The following SYCE1L variants were observed in gnomAD, a reference collection of about 807,000 sequenced individuals.
The protein encoded by SYCE1L is synaptonemal complex central element protein 1-like.
In SYCE1L, 51 loss-of-function variants were observed where a neutral mutation model predicts 39.6. That is an observed-to-expected ratio of 1.29 (90% confidence interval 1.03 to 1.63). The LOEUF (loss-of-function observed/expected upper bound fraction) is 1.63. Among genes scored for constraint, SYCE1L ranks in the 40% most tolerant of loss-of-function variants. The pLI is 0.00. For missense variants in SYCE1L, 426 were observed against 304.9 expected, an observed-to-expected ratio of 1.40 and a Z score of -2.96; for synonymous variants, 147 against 122.4, an observed-to-expected ratio of 1.20 and a Z score of -1.33.
In SYCE1L at chr16:77,213,009, G is replaced by T; in HGVS notation, c.*78G>T. The T allele has an allele frequency of 7.3e-7, 1 of 1,374,580 alleles. No homozygotes were observed. The highest frequency in any genetic ancestry group is 1.5e-5 in the South Asian group (1 of 67,394). The allele number at this position is 1,374,580 out of a possible 1,614,324, so 85.1% of individuals were successfully genotyped here. A position where few individuals can be genotyped will look rare whatever the true frequency, so the allele number is the denominator to read the frequency against. ...AAGGCGATGATTTCCGACCATGCTCGCGTTCTCCGCGGAGTCTGTGCTACA... is the reference window on the plus strand; with the variant it reads ...AAGGCGATGATTTCCGACCATGCTCTCGTTCTCCGCGGAGTCTGTGCTACA... On this transcript the variant is annotated 3_prime_UTR_variant, in exon 11 of 11. Transcript: ENST00000378644.
At chr16:77,210,963 C>G (rs781726544) in intron 6 of SYCE1L, among the ~76,000 whole-genome samples, 12 of 152,190 alleles carry the variant, frequency 7.9e-5, no homozygotes, top group African/African-American at 1.2e-4. Context: ...GAGTCTCAAA[C>G]AGAGGAATCT....
chr16:77,205,939 G>A lies in SYCE1L; in HGVS notation c.62-502G>A, dbSNP rs112781971. On this transcript the variant is annotated intron_variant, in intron 1 of 10. Coordinates refer to ENST00000378644, the MANE Select transcript of SYCE1L (RefSeq NM_001129979.3). ...AATAAAAATCCTTTGAGCTGGAGCT[G>A]CAGGGTATAAAAAGAAAAAGAGAGA... Among the ~76,000 whole-genome samples the A allele has an allele frequency of 6.6e-3, 1,011 of 152,296 alleles. 9 individuals are homozygous for A. The highest frequency in any genetic ancestry group is 0.022 in the African/African-American group (934 of 41,554).
At chr16:77,208,635 C>G in intron 4 of SYCE1L, 96 bp downstream of exon 4, 1 of 1,191,332 alleles carries the variant, frequency 8.4e-7, no homozygotes, top group South Asian at 1.4e-5. Flanking sequence ...CTACAATGCT[C>G]TTAGCTCACA....
chr16:77,210,463 C>G (rs932597299), intron 6 of SYCE1L, among the ~76,000 whole-genome samples: 1 of 152,224 alleles, frequency 6.6e-6, no homozygotes, highest in African/African-American at 2.4e-5. Flanking sequence ...ACACTACTCA[C>G]ACTGTATGAT....
chr16:77,211,210 C>T lies in SYCE1L; in HGVS notation c.360-3C>T. On this transcript the variant is annotated splice_region_variant and splice_polypyrimidine_tract_variant and intron_variant, in intron 6 of 10. Coordinates refer to ENST00000378644, the MANE Select transcript of SYCE1L (RefSeq NM_001129979.3). ...TCTCTTATTCCTGGGTGTCGGCCTC[C>T]AGGTTGGATGTCAGAGGACAGCTGG... is the stretch of plus-strand genomic sequence containing the variant. The T allele has an allele frequency of 1.3e-6, 2 of 1,551,906 alleles. No homozygotes were observed. The highest frequency in any genetic ancestry group is 1.7e-6 in the Non-Finnish European group (2 of 1,147,038).
chr16:77,199,712 G>C (rs952570111), intron 1 of SYCE1L, 200 bp downstream of exon 1: 14 of 528,524 alleles, frequency 2.6e-5, no homozygotes, highest in Non-Finnish European at 4.3e-5. Context: ...TTATCACCGA[G>C]ATTAACTTTT....
At position 77,208,069 on chromosome 16, in the gene SYCE1L, G is replaced by T. The variant is rs547661857; in HGVS notation, c.122-141G>T. The stretch of plus-strand genomic sequence containing the variant: ...ACCCAGAATGCAAGCCCTTCAAGGG[G>T]CTCTGGCAGAGCTCAACACACAGCA... On this transcript the variant is annotated intron_variant, in intron 2 of 10. Transcript: ENST00000378644. The T allele has an allele frequency of 7.5e-6, 6 of 798,610 alleles. No homozygotes were observed. The East Asian group carries it at 8.1e-5, about 11-fold the overall frequency. 49.5% of individuals were successfully genotyped at this position (798,610 alleles called of 1,614,324 possible). A position where few individuals can be genotyped will look rare whatever the true frequency, so the allele number is the denominator to read the frequency against.
At chr16:77,212,488 G>T (rs1231328446) in intron 9 of SYCE1L, 86 bp from the exon 10 acceptor site, 1 of 1,539,432 alleles carries the variant, frequency 6.5e-7, no homozygotes, top group Admixed American at 2.0e-5. Flanking sequence ...CCTCGGCGTC[G>T]TCGGGTCTCC....
intron 1 of SYCE1L, chr16:77,201,506 G>C (rs2054742246): frequency 6.6e-6 from 1 of 152,196 alleles, no homozygotes; most frequent in African/African-American, 2.4e-5. Flanking sequence ...TCCTGCCTCA[G>C]GGAAGAGAGC....
chr16:77,206,795 T>C (rs931954411), intron 2 of SYCE1L, among the ~76,000 whole-genome samples: 2 of 151,492 alleles, frequency 1.3e-5, no homozygotes, highest in African/African-American at 4.8e-5. Flanking sequence ...CTTAAGTATC[T>C]TTCCAGAGAT....
intron 7 of SYCE1L, 131 bp from the exon 8 acceptor site, chr16:77,211,998 GA>G: frequency 9.5e-7 from 1 of 1,049,582 alleles, no homozygotes; most frequent in East Asian, 2.8e-5. Flanking sequence ...ACTGCACATT[GA>G]GTTAATAAAT....
chr16:77,208,423 G>C (rs2054800477), intron 3 of SYCE1L, 42 bp from the exon 4 acceptor site: 2 of 1,550,650 alleles, frequency 1.3e-6, no homozygotes, highest in Non-Finnish European at 8.7e-7. Context: ...AGCAAGGCTA[G>C]AGACTACACT....
At chr16:77,204,551 T>G (rs1243951295) in intron 1 of SYCE1L, among the ~76,000 whole-genome samples, 1 of 152,234 alleles carries the variant, frequency 6.6e-6, no homozygotes, top group East Asian at 1.9e-4. Flanking sequence ...AGATGATCAT[T>G]GTGGCATGCC....
Position 77,212,123 on chromosome 16 carries a change from C to A in SYCE1L, c.424-7C>A, listed in dbSNP as rs1018922614. On this transcript the variant is annotated splice_region_variant and splice_polypyrimidine_tract_variant and intron_variant, in intron 7 of 10. Transcript: ENST00000378644. ...CAAACGGGGAGGCCTCCTCTTTGTCCTCGCAGATGCTGGAGCAGCGACTGG... is the reference window on the plus strand; with the variant it reads ...CAAACGGGGAGGCCTCCTCTTTGTCATCGCAGATGCTGGAGCAGCGACTGG... The A allele has an allele frequency of 3.7e-5, 57 of 1,547,674 alleles. No individual in the cohort carries two copies. The highest frequency in any genetic ancestry group is 4.5e-5 in the Non-Finnish European group (52 of 1,145,920).
chr16:77,202,354 T>C (rs1199638512), intron 1 of SYCE1L: 1 of 152,234 alleles, frequency 6.6e-6, no homozygotes, highest in African/African-American at 2.4e-5. Context: ...TTTACAACTT[T>C]TGTGTACATC....
intron 1 of SYCE1L, among the ~76,000 whole-genome samples, chr16:77,205,980 G>A (rs1476141179): frequency 1.3e-5 from 2 of 152,126 alleles, no homozygotes; most frequent in Non-Finnish European, 2.9e-5. Flanking sequence ...ATAATATCCA[G>A]TTGTCTTTTT....
At chr16:77,210,358 A>G (rs1395209964) in intron 6 of SYCE1L, among the ~76,000 whole-genome samples, 1 of 152,118 alleles carries the variant, frequency 6.6e-6, no homozygotes, top group Admixed American at 6.6e-5. Context: ...ACTTTTACCT[A>G]GCACACTCCT....
chr16:77,206,532 C>G, intron 2 of SYCE1L, 32 bp downstream of exon 2: 1 of 1,550,588 alleles, frequency 6.4e-7, no homozygotes, highest in South Asian at 1.2e-5. Context: ...GAGCCTCAGC[C>G]TGGGGTTTCA....
Position 77,212,958 on chromosome 16 carries a change from C to G in SYCE1L, c.*27C>G. On this transcript the variant is annotated 3_prime_UTR_variant, in exon 11 of 11. Coordinates refer to ENST00000378644, the MANE Select transcript of SYCE1L (RefSeq NM_001129979.3). ...CCAGCAGGACCCGCCCGTTCCCGAC[C>G]TTCCCTCGAGACCCGCCAAGAAATA... The G allele has an allele frequency of 6.8e-7, 1 of 1,471,884 alleles. No homozygotes were observed. Among genetic ancestry groups the G allele is most frequent in the Middle Eastern group, 1.8e-4 (1 of 5,570 alleles). 91.2% of individuals were successfully genotyped at this position (1,471,884 alleles called of 1,614,324 possible).
Sources: gnomAD v4.1 joint callset for allele counts (sites outside exome capture counted in the v4.1 genomes callset) on GRCh38, gnomAD v4.1.1 for gene constraint, MANE v1.5 for transcripts, NCBI Gene and HGNC (gene_info 2026-07-23, HGNC 2026-07-21) for gene names.